Variants in CPLX2 observed in about 807,000 individuals in gnomAD.
The protein encoded by CPLX2 is complexin 2, also known as complexin-2.
Under a neutral mutation model 16.3 loss-of-function variants are expected in CPLX2, and 5 were observed. The ratio of observed to expected loss-of-function variants is 0.31; its 90% CI spans 0.16 to 0.64. The LOEUF (loss-of-function observed/expected upper bound fraction) is 0.64, where lower values mean the gene tolerates loss of function less well. CPLX2 is among the 30% of genes least tolerant of loss of function. The probability of loss-of-function intolerance (pLI) is 0.79; values close to 1 mark genes in which losing one functional copy is unlikely to be tolerated. For missense variants in CPLX2, 144 were observed against 181.4 expected, an observed-to-expected ratio of 0.79 and a Z score of 1.18; for synonymous variants, 89 against 73.2, an observed-to-expected ratio of 1.22 and a Z score of -1.10.
At chr5:175,842,057 C>T (rs140767621) in intron 2 of CPLX2, among the ~76,000 whole-genome samples, 3 of 152,268 alleles carry the variant, frequency 2.0e-5, no homozygotes, top group Non-Finnish European at 4.4e-5. Flanking sequence ...AGAATTGCAG[C>T]GAAGACAGAG....
intron 2 of CPLX2, among the ~76,000 whole-genome samples, chr5:175,818,333 G>C (rs1476618605): frequency 6.6e-6 from 1 of 152,148 alleles, no homozygotes. Flanking sequence ...CTTGAGCAGG[G>C]AGTGGTGACA....
intron 2 of CPLX2, among the ~76,000 whole-genome samples, chr5:175,824,039 C>T (rs1344589987): frequency 6.6e-6 from 1 of 152,180 alleles, no homozygotes; most frequent in Non-Finnish European, 1.5e-5. Context: ...CTGTCCCCAA[C>T]ACCCACAGGC....
chr5:175,835,762 A>G lies in CPLX2; in HGVS notation c.-89+26694A>G, dbSNP rs544203241. On this transcript the variant is annotated intron_variant, in intron 2 of 4. Coordinates refer to the CPLX2 transcript ENST00000359546. The stretch of plus-strand genomic sequence containing the variant: ...TTTTTTTTTTTTTTTTTTTTGAGAC[A>G]GGATCTCGCTCTGTCGCCCAGGCTG... Among the ~76,000 whole-genome samples the G allele has an allele frequency of 3.6e-5, 4 of 110,704 alleles. No individual in the cohort carries two copies. In the East Asian group the frequency reaches 1.1e-3, roughly 30 times the overall value. The allele number at this position is 110,704 out of a possible 152,430, so 72.6% of individuals were successfully genotyped here.
chr5:175,832,485 G>A (rs1047668209), intron 2 of CPLX2, among the ~76,000 whole-genome samples: 7 of 152,206 alleles, frequency 4.6e-5, no homozygotes, highest in Admixed American at 6.5e-5. Flanking sequence ...AAACATGGGC[G>A]TTGGAAACTG....
At chr5:175,879,129 T>G (rs1381110992) in intron 3 of CPLX2, 46 bp downstream of exon 3, 1 of 1,526,956 alleles carries the variant, frequency 6.5e-7, no homozygotes, top group Non-Finnish European at 8.8e-7. Flanking sequence ...CACAAGCGGG[T>G]AAAACCGGTC....
In CPLX2 at chr5:175,879,000, C is replaced by G. The variant is rs770667199; in HGVS notation, c.124C>G (p.Arg42Gly). 1 of 1,598,074 alleles carries G rather than the reference C, an allele frequency of 6.3e-7. No individual in the cohort carries two copies. The highest frequency in any genetic ancestry group is 8.5e-7 in the Non-Finnish European group (1 of 1,172,794). The change falls in exon 3 of 4, where the codon CGG becomes GGG. Residue 42 changes from arginine (R) to glycine (G), a missense_variant. Coordinates refer to ENST00000393745, the MANE Select transcript of CPLX2 (RefSeq NM_001008220.2). ...KKEEERQEAL[R>G]QQEEERKAKH... ...GGAGGAGGAGCGGCAGGAGGCGCTG[C>G]GGCAGCAGGAGGAGGAGCGTAAGGC...
chr5:175,873,396 G>A (rs1255659954), intron 1 of CPLX2, among the ~76,000 whole-genome samples: 21 of 151,910 alleles, frequency 1.4e-4, no homozygotes, highest in Admixed American at 1.4e-3. Context: ...CGGCACACAC[G>A]TCCTCAGGAT....
intron 2 of CPLX2, among the ~76,000 whole-genome samples, chr5:175,839,166 G>A (rs754228191): frequency 1.1e-3 from 161 of 152,140 alleles, no homozygotes; most frequent in Non-Finnish European, 1.9e-3. Context: ...TGAGTAGCTG[G>A]GATTATAGGC....
rs191527104 is a variant in CPLX2 at position 175,830,336 on chromosome 5, T to C, written c.-89+21268T>C. ...TAGCCCCATTTTTCAGCTGAAATCA[T>C]TGATGCTCAGACATGAAGCAACTTG... On this transcript the variant is annotated intron_variant, in intron 2 of 4. Coordinates refer to the CPLX2 transcript ENST00000359546. This position sits in a 1 kb window ranked among gnomAD's most constrained non-coding sequence, Gnocchi z 4.0. 6.6e-6 allele frequency among the ~76,000 whole-genome samples: 1 copy of C among 152,312 alleles called. No homozygotes were observed. Among genetic ancestry groups the C allele is most frequent in the Non-Finnish European group, 1.5e-5 (1 of 68,028 alleles).
chr5:175,844,676 G>A (rs1342647143), intron 2 of CPLX2, among the ~76,000 whole-genome samples: 1 of 152,236 alleles, frequency 6.6e-6, no homozygotes, highest in African/African-American at 2.4e-5. Flanking sequence ...CAGCAAGTGC[G>A]AAGGGCCGGA....
chr5:175,850,581 T>C lies in CPLX2; in HGVS notation c.-88-28071T>C, dbSNP rs78190760. Reference sequence around the variant, plus strand: ...TCAAATAAGTTCTAGAAATGCCACATGCTGCTTCACCTCTCGGAAAATCAT... The same window carrying C: ...TCAAATAAGTTCTAGAAATGCCACACGCTGCTTCACCTCTCGGAAAATCAT... On this transcript the variant is annotated intron_variant, in intron 2 of 4. Coordinates refer to the CPLX2 transcript ENST00000359546. 6.5e-3 allele frequency among the ~76,000 whole-genome samples: 984 copies of C among 152,302 alleles called. 7 individuals are homozygous for C. The highest frequency in any genetic ancestry group is 0.01 in the Non-Finnish European group (710 of 68,012).
At chr5:175,841,555 C>T (rs1758945014) in intron 2 of CPLX2, among the ~76,000 whole-genome samples, 1 of 152,226 alleles carries the variant, frequency 6.6e-6, no homozygotes, top group African/African-American at 2.4e-5. Context: ...CTAGCAAGAA[C>T]CCTATGTCTG....
rs148460714 is a variant in CPLX2 at position 175,830,276 on chromosome 5, G to T, written c.-89+21208G>T. On this transcript the variant is annotated intron_variant, in intron 2 of 4. Transcript: ENST00000359546. The surrounding 1 kb of genome is among the most constrained non-coding windows in gnomAD (Gnocchi z 4.0). Reference sequence around the variant, plus strand: ...GGAAATGATGGCATCTTTTGTGGCTGAATTTTCACAACTCATGAGAGAGGA... The same window carrying T: ...GGAAATGATGGCATCTTTTGTGGCTTAATTTTCACAACTCATGAGAGAGGA... Among the ~76,000 whole-genome samples, 14 of 152,250 alleles carry T rather than the reference G, an allele frequency of 9.2e-5. No homozygotes were observed. Among genetic ancestry groups the T allele is most frequent in the Admixed American group, 9.2e-4 (14 of 15,296 alleles).
intron 2 of CPLX2, among the ~76,000 whole-genome samples, chr5:175,813,921 T>G (rs1758358534): frequency 6.6e-6 from 1 of 152,240 alleles, no homozygotes; most frequent in Non-Finnish European, 1.5e-5. Flanking sequence ...TATTTTCCAT[T>G]TATTTGTTTT....
chr5:175,827,288 A>C (rs1207611084), intron 2 of CPLX2, among the ~76,000 whole-genome samples: 1 of 152,142 alleles, frequency 6.6e-6, no homozygotes, highest in Non-Finnish European at 1.5e-5. Flanking sequence ...TGACTGGGGG[A>C]GGAGCAGCTT....
At chr5:175,863,323 G>A (rs938012189) in intron 2 of CPLX2, among the ~76,000 whole-genome samples, 1 of 152,192 alleles carries the variant, frequency 6.6e-6, no homozygotes, top group African/African-American at 2.4e-5. Flanking sequence ...CAGACCCAGG[G>A]TCAGCTTCTA....
intron 2 of CPLX2, among the ~76,000 whole-genome samples, chr5:175,827,076 A>G (rs1160811063): frequency 6.6e-6 from 1 of 152,162 alleles, no homozygotes; most frequent in African/African-American, 2.4e-5. Context: ...ACAGCTCAGC[A>G]GCTGCAGCAA....
At chr5:175,875,535 G>C (rs1759738479) in intron 1 of CPLX2, among the ~76,000 whole-genome samples, 1 of 152,194 alleles carries the variant, frequency 6.6e-6, no homozygotes, top group African/African-American at 2.4e-5. Context: ...ATTTTATAGA[G>C]AAGATCAAGT....
intron 2 of CPLX2, among the ~76,000 whole-genome samples, chr5:175,856,753 T>C (rs1759265418): frequency 6.6e-6 from 1 of 151,620 alleles, no homozygotes; most frequent in Admixed American, 6.6e-5. Flanking sequence ...ACGTGGCAAA[T>C]GTGCAGGGCC....
Sources: gnomAD v4.1 joint callset for allele counts (sites outside exome capture counted in the v4.1 genomes callset) on GRCh38, gnomAD v4.1.1 for gene constraint, Gnocchi (gnomAD v3.1) non-coding constraint, MANE v1.5 for transcripts, NCBI Gene and HGNC (gene_info 2026-07-23, HGNC 2026-07-21) for gene names.